Variants in ANKRD13C observed in about 807,000 individuals in gnomAD.
ANKRD13C encodes ankyrin repeat domain 13C.
In ANKRD13C, 16 loss-of-function variants were observed where a neutral mutation model predicts 65.5. The ratio of observed to expected loss-of-function variants is 0.24; its 90% CI spans 0.17 to 0.37. ANKRD13C has a LOEUF of 0.37. Ranked by LOEUF, ANKRD13C falls within the 10% of genes least tolerant of loss-of-function variation. ANKRD13C has a pLI of 1.00. For missense variants in ANKRD13C, 503 were observed against 655.9 expected, an observed-to-expected ratio of 0.77 and a Z score of 2.55; for synonymous variants, 235 against 238.7, an observed-to-expected ratio of 0.98 and a Z score of 0.14.
chr1:70,276,675 A>G, intron 10 of ANKRD13C, 90 bp downstream of exon 10: 1 of 1,077,822 alleles, frequency 9.3e-7, no homozygotes, highest in Admixed American at 2.6e-5. Context: ...TTCTCTCCAA[A>G]ATAATTTACG....
In ANKRD13C at chr1:70,260,804, A is replaced by G. The variant is rs1451439881; in HGVS notation, c.*1913T>C. 1 of 152,150 alleles carries G rather than the reference A, an allele frequency of 6.6e-6. No homozygotes were observed. Among genetic ancestry groups the G allele is most frequent in the Non-Finnish European group, 1.5e-5 (1 of 67,978 alleles). The allele number at this position is 152,150 out of a possible 1,614,324, so 9.4% of individuals were successfully genotyped here. On this transcript the variant is annotated 3_prime_UTR_variant, in exon 13 of 13. Coordinates refer to ENST00000370944, the MANE Select transcript of ANKRD13C (RefSeq NM_030816.5). ...AGTCTTCCTACCTCCAGTGTACCCC[A>G]GCAAAATATTCATAGCTGTGCTGTT...
chr1:70,347,586 C>T (rs1682585262), intron 1 of ANKRD13C, among the ~76,000 whole-genome samples: 1 of 152,102 alleles, frequency 6.6e-6, no homozygotes, highest in Admixed American at 6.6e-5. Context: ...GAGGATCCTC[C>T]CTCCCTTTTA....
chr1:70,311,450 G>A (rs1558292062), intron 5 of ANKRD13C, among the ~76,000 whole-genome samples: 1 of 152,130 alleles, frequency 6.6e-6, no homozygotes, highest in Non-Finnish European at 1.5e-5. Context: ...ATTCCAGCCT[G>A]GGTGATAGAG....
At chr1:70,319,929 A>G (rs1681236363) in intron 3 of ANKRD13C, among the ~76,000 whole-genome samples, 1 of 152,040 alleles carries the variant, frequency 6.6e-6, no homozygotes, top group African/African-American at 2.4e-5. Flanking sequence ...TTTCTGACAC[A>G]TCTAGTAGGT....
At chr1:70,326,742 A>T (rs934394179) in intron 2 of ANKRD13C, among the ~76,000 whole-genome samples, 8 of 152,158 alleles carry the variant, frequency 5.3e-5, no homozygotes, top group Non-Finnish European at 8.8e-5. Flanking sequence ...CATCTACATT[A>T]CATTAATAAT....
chr1:70,291,155 C>G (rs184526129), intron 9 of ANKRD13C, among the ~76,000 whole-genome samples: 1 of 152,004 alleles, frequency 6.6e-6, no homozygotes, highest in African/African-American at 2.4e-5. Flanking sequence ...CTCAGCCTTC[C>G]GAGTAGCTGG....
intron 6 of ANKRD13C, 27 bp from the exon 7 acceptor site, chr1:70,300,935 T>G: frequency 1.3e-6 from 2 of 1,586,492 alleles, no homozygotes. Flanking sequence ...GATGATAAAC[T>G]CTGACAAATA....
intron 1 of ANKRD13C, among the ~76,000 whole-genome samples, chr1:70,344,097 A>G (rs1489262628): frequency 6.6e-6 from 1 of 152,048 alleles, no homozygotes; most frequent in Non-Finnish European, 1.5e-5. Flanking sequence ...CAGGAGTTCA[A>G]GACCAGCCTG....
chr1:70,315,944 TA>T (rs1432311179), intron 3 of ANKRD13C, among the ~76,000 whole-genome samples: 3 of 152,334 alleles, frequency 2.0e-5, no homozygotes, highest in South Asian at 4.1e-4. Context: ...ACTAGTTTTT[TA>T]ATTATCAGTA....
intron 9 of ANKRD13C, among the ~76,000 whole-genome samples, chr1:70,284,050 A>C (rs1392122327): frequency 6.6e-6 from 1 of 152,140 alleles, no homozygotes; most frequent in Non-Finnish European, 1.5e-5. Flanking sequence ...AAAAATATAT[A>C]CTAAATACTA....
Position 70,262,665 on chromosome 1 carries a change from A to G in ANKRD13C, c.*52T>C. The G allele has an allele frequency of 1.3e-6, 2 of 1,576,278 alleles. No individual in the cohort carries two copies. Among genetic ancestry groups the G allele is most frequent in the Non-Finnish European group, 1.7e-6 (2 of 1,159,202 alleles). On this transcript the variant is annotated 3_prime_UTR_variant, in exon 13 of 13. Coordinates refer to ENST00000370944, the MANE Select transcript of ANKRD13C (RefSeq NM_030816.5). ...GTCCCTTCTATTTGGATCCACTTCT[A>G]GGGTCTCTGTATTTTCTTTCCTTGG...
At chr1:70,268,933 C>A (rs1678755164) in intron 12 of ANKRD13C, among the ~76,000 whole-genome samples, 1 of 151,740 alleles carries the variant, frequency 6.6e-6, no homozygotes, top group Admixed American at 6.6e-5. Context: ...TACATGTGCA[C>A]AATGTGCAGG....
At chr1:70,320,371 G>A (rs1681254684) in intron 3 of ANKRD13C, among the ~76,000 whole-genome samples, 1 of 151,448 alleles carries the variant, frequency 6.6e-6, no homozygotes, top group African/African-American at 2.4e-5. Flanking sequence ...CTTTGTCCCA[G>A]GCTCCAGGCT....
At chr1:70,285,281 C>G (rs1679571108) in intron 9 of ANKRD13C, among the ~76,000 whole-genome samples, 1 of 150,824 alleles carries the variant, frequency 6.6e-6, no homozygotes, top group African/African-American at 2.4e-5. Flanking sequence ...CCACCTCTGC[C>G]CCCTGGGTTC....
intron 1 of ANKRD13C, among the ~76,000 whole-genome samples, chr1:70,348,109 A>G (rs1682604704): frequency 6.6e-6 from 1 of 152,064 alleles, no homozygotes; most frequent in Admixed American, 6.6e-5. Flanking sequence ...CCTCTTCTAA[A>G]AGAGATCTAT....
chr1:70,267,360 TTTTTG>T (rs1231010249), intron 12 of ANKRD13C, among the ~76,000 whole-genome samples: 4 of 152,086 alleles, frequency 2.6e-5, no homozygotes, highest in Non-Finnish European at 5.9e-5. Flanking sequence ...TGGATCATGG[TTTTTG>T]TTTTGTTTTG....
chr1:70,354,613 G>C lies in ANKRD13C; in HGVS notation c.-205C>G. 7.1e-6 allele frequency: 9 copies of C among 1,264,078 alleles called. No homozygotes were observed. The South Asian group carries it at 1.4e-4, about 20-fold the overall frequency. 78.3% of individuals were successfully genotyped at this position (1,264,078 alleles called of 1,614,324 possible). A position where few individuals can be genotyped will look rare whatever the true frequency, so the allele number is the denominator to read the frequency against. On this transcript the variant is annotated 5_prime_UTR_variant, in exon 1 of 13. Coordinates refer to ENST00000370944, the MANE Select transcript of ANKRD13C (RefSeq NM_030816.5). Reference sequence around the variant, plus strand: ...GGCACGAAGGGACGCGCGCTCGCTGGGGGAAGCTAGAACTCAGGTGCCCAC... The same window carrying C: ...GGCACGAAGGGACGCGCGCTCGCTGCGGGAAGCTAGAACTCAGGTGCCCAC...
At chr1:70,294,122 G>C (rs1679975748) in intron 8 of ANKRD13C, among the ~76,000 whole-genome samples, 1 of 152,026 alleles carries the variant, frequency 6.6e-6, no homozygotes. Context: ...ACATACTAAA[G>C]AATGAGGAAA....
intron 8 of ANKRD13C, among the ~76,000 whole-genome samples, chr1:70,292,767 TAAAGAG>T (rs779273112): frequency 3.3e-5 from 5 of 152,140 alleles, no homozygotes; most frequent in African/African-American, 4.8e-5. Flanking sequence ...TTCAAATCAG[TAAAGAG>T]AAATTTAAAA....
Sources: allele counts gnomAD v4.1 joint callset (sites outside exome capture counted in the v4.1 genomes callset), GRCh38; gene constraint gnomAD v4.1.1; transcripts MANE v1.5; gene names NCBI Gene and HGNC (gene_info 2026-07-23, HGNC 2026-07-21).